The following ASCC3 variants were observed in gnomAD, a reference collection of about 807,000 sequenced individuals.
The protein encoded by ASCC3 is activating signal cointegrator 1 complex subunit 3.
ASCC3 carries 158 observed loss-of-function variants against 256.3 expected under a neutral mutation model. That is an observed-to-expected ratio of 0.62 (90% CI 0.54 to 0.70). The LOEUF (loss-of-function observed/expected upper bound fraction) is 0.70, where lower values mean the gene tolerates loss of function less well. ASCC3 is among the 30% of genes least tolerant of loss of function. The pLI is 0.00. For synonymous variants in ASCC3, 948 were observed against 883.4 expected (o/e 1.07, Z -1.30); for missense variants, 2,259 against 2,626.0 (o/e 0.86, Z 3.05).
Position 100,848,297 on chromosome 6 carries a change from T to C in ASCC3, c.652A>G (p.Thr218Ala). ...TCACACCACAAAAAGGAGCCATTTG[T>C]TTTTTCCACAGGCTTGAGTTCTGGG... ...CTPELKPVEK[T>A]NGSFLWCEVE... The change falls in exon 4 of 42, where the codon ACA becomes GCA. Residue 218 changes from threonine to alanine, a missense_variant. Coordinates refer to ENST00000369162, the MANE Select transcript of ASCC3 (RefSeq NM_006828.4). 3 of 1,614,086 alleles carry C rather than the reference T, an allele frequency of 1.9e-6. No individual in the cohort carries two copies. The highest frequency in any genetic ancestry group is 2.5e-6 in the Non-Finnish European group (3 of 1,180,004).
chr6:100,870,191 T>C (rs1773667091), intron 1 of ASCC3, among the ~76,000 whole-genome samples: 1 of 150,550 alleles, frequency 6.6e-6, no homozygotes, highest in Non-Finnish European at 1.5e-5. Flanking sequence ...AACTTGATTT[T>C]AAAAAATGCA....
intron 13 of ASCC3, among the ~76,000 whole-genome samples, chr6:100,711,979 A>T (rs1778873147): frequency 6.6e-6 from 1 of 152,220 alleles, no homozygotes; most frequent in Non-Finnish European, 1.5e-5. Flanking sequence ...AGACCCACAT[A>T]AATACAGTTA....
At chr6:100,671,384 T>C (rs1449471439) in intron 14 of ASCC3, among the ~76,000 whole-genome samples, 1 of 152,100 alleles carries the variant, frequency 6.6e-6, no homozygotes, top group African/African-American at 2.4e-5. Context: ...ATATACTTTA[T>C]CTTGTTCACA....
chr6:100,553,387 C>G (rs968642156), intron 36 of ASCC3, among the ~76,000 whole-genome samples: 1 of 152,040 alleles, frequency 6.6e-6, no homozygotes, highest in Admixed American at 6.6e-5. Flanking sequence ...ATTTTCTTAT[C>G]TACATCATGT....
intron 8 of ASCC3, among the ~76,000 whole-genome samples, chr6:100,774,542 T>G (rs1191083029): frequency 6.7e-6 from 1 of 150,000 alleles, no homozygotes; most frequent in Non-Finnish European, 1.5e-5. Context: ...ATTTTTTGTA[T>G]TTTTAGTAGA....
intron 22 of ASCC3, among the ~76,000 whole-genome samples, chr6:100,646,293 C>G (rs979269611): frequency 4.0e-5 from 6 of 151,826 alleles, no homozygotes; most frequent in Non-Finnish European, 5.9e-5. Context: ...ATAAATATTG[C>G]TATAATTTTT....
chr6:100,743,350 C>A (rs1780522356), intron 10 of ASCC3, among the ~76,000 whole-genome samples: 1 of 152,190 alleles, frequency 6.6e-6, no homozygotes, highest in Admixed American at 6.5e-5. Context: ...TTCATGATTG[C>A]CACAGACTGC....
chr6:100,777,485 TC>T (rs1782246366), intron 8 of ASCC3, among the ~76,000 whole-genome samples: 1 of 151,976 alleles, frequency 6.6e-6, no homozygotes. Context: ...CAAAAAAAAA[TC>T]AACATGTTTA....
At chr6:100,632,205 A>G (rs1156714176) in intron 25 of ASCC3, among the ~76,000 whole-genome samples, 1 of 149,928 alleles carries the variant, frequency 6.7e-6, no homozygotes, top group African/African-American at 2.4e-5. Context: ...AAAAAAAAGA[A>G]GACAGTCCCA....
chr6:100,640,022 G>A (rs1775039568), intron 24 of ASCC3, among the ~76,000 whole-genome samples: 1 of 152,142 alleles, frequency 6.6e-6, no homozygotes, highest in South Asian at 2.1e-4. Flanking sequence ...GGCTGAGGCA[G>A]GAGAATCGCT....
chr6:100,595,090 C>T (rs1296410550), intron 34 of ASCC3, among the ~76,000 whole-genome samples: 1 of 151,962 alleles, frequency 6.6e-6, no homozygotes, highest in Non-Finnish European at 1.5e-5. Flanking sequence ...GGTCAAAGGG[C>T]ATAAAGTTTC....
At chr6:100,815,912 G>A (rs117257385) in intron 4 of ASCC3, among the ~76,000 whole-genome samples, 2,037 of 152,122 alleles carry the variant, frequency 0.013, 20 homozygotes, top group East Asian at 0.045. Flanking sequence ...ATTGATAAAT[G>A]GGATCTAATT....
chr6:100,872,992 C>A (rs193209942), intron 1 of ASCC3, among the ~76,000 whole-genome samples: 12 of 152,056 alleles, frequency 7.9e-5, no homozygotes, highest in East Asian at 1.9e-4. Context: ...AACACCCCCC[C>A]CAAAAAATCA....
At chr6:100,697,546 A>T (rs1582714884) in intron 13 of ASCC3, among the ~76,000 whole-genome samples, 1 of 35,638 alleles carries the variant, frequency 2.8e-5, no homozygotes, top group South Asian at 4.8e-4. Flanking sequence ...TAACTGTATT[A>T]AAAAAAAAAA....
At chr6:100,664,755 T>C (rs1776386639) in intron 14 of ASCC3, among the ~76,000 whole-genome samples, 1 of 152,186 alleles carries the variant, frequency 6.6e-6, no homozygotes, top group African/African-American at 2.4e-5. Flanking sequence ...CCAATTGTGG[T>C]GTATTTGCTA....
intron 4 of ASCC3, among the ~76,000 whole-genome samples, chr6:100,807,103 T>C (rs907063844): frequency 6.6e-6 from 1 of 151,900 alleles, no homozygotes; most frequent in African/African-American, 2.4e-5. Context: ...TTGAATATTT[T>C]CCAGAAAACT....
At chr6:100,599,211 C>A (rs1316249393) in intron 34 of ASCC3, among the ~76,000 whole-genome samples, 1 of 152,128 alleles carries the variant, frequency 6.6e-6, no homozygotes, top group Non-Finnish European at 1.5e-5. Flanking sequence ...ATAGGACCAG[C>A]AGAGAAGAAC....
intron 17 of ASCC3, among the ~76,000 whole-genome samples, chr6:100,654,872 A>G (rs1775840224): frequency 6.6e-6 from 1 of 152,050 alleles, no homozygotes; most frequent in African/African-American, 2.4e-5. Flanking sequence ...AAAAAAATAA[A>G]AGAAATAAAA....
chr6:100,736,100 T>C (rs1012532479), intron 10 of ASCC3, among the ~76,000 whole-genome samples: 3 of 152,246 alleles, frequency 2.0e-5, no homozygotes, highest in Non-Finnish European at 2.9e-5. Flanking sequence ...CCAGTAACTG[T>C]TGATAAATTA....
Sources: allele counts gnomAD v4.1 joint callset (sites outside exome capture counted in the v4.1 genomes callset), GRCh38; gene constraint gnomAD v4.1.1; transcripts MANE v1.5; gene names NCBI Gene and HGNC (gene_info 2026-07-23, HGNC 2026-07-21).